The following PTPRM variants were observed in gnomAD, a reference collection of about 807,000 sequenced individuals.
PTPRM encodes the protein protein tyrosine phosphatase receptor type M, also known as receptor-type tyrosine-protein phosphatase mu.
A neutral mutation model predicts 186.7 loss-of-function variants in PTPRM; 47 were observed. The observed-to-expected ratio is 0.25, with a 90% CI of 0.20 to 0.32. The LOEUF (loss-of-function observed/expected upper bound fraction) is 0.32, where lower values mean the gene tolerates loss of function less well. Ranked by LOEUF, PTPRM falls within the 10% of genes least tolerant of loss-of-function variation. The pLI, the probability that PTPRM is intolerant of heterozygous loss-of-function variation, is 1.00. For missense variants in PTPRM, 1,494 were observed against 1,865.0 expected (o/e 0.80, Z 3.66); for synonymous variants, 668 against 674.9 (o/e 0.99, Z 0.16).
At chr18:7,905,926 G>A (rs186253475) in intron 3 of PTPRM, among the ~76,000 whole-genome samples, 2 of 152,116 alleles carry the variant, frequency 1.3e-5, no homozygotes, top group African/African-American at 4.8e-5. Flanking sequence ...GAATCTTAAC[G>A]TTGTCTCTTG....
At chr18:8,319,802 C>T (rs1361225315) in intron 22 of PTPRM, among the ~76,000 whole-genome samples, 1 of 152,124 alleles carries the variant, frequency 6.6e-6, no homozygotes, top group Non-Finnish European at 1.5e-5. Flanking sequence ...AATGGAGAAA[C>T]ATCATGAGCA....
intron 2 of PTPRM, among the ~76,000 whole-genome samples, chr18:7,858,665 A>G (rs1429259062): frequency 2.6e-5 from 4 of 152,250 alleles, no homozygotes; most frequent in Non-Finnish European, 5.9e-5. Context: ...TAATATATGT[A>G]GAATACTTAA....
chr18:8,148,915 A>T (rs1169104495), intron 14 of PTPRM, among the ~76,000 whole-genome samples: 1 of 152,132 alleles, frequency 6.6e-6, no homozygotes. Context: ...TTTACCCAGT[A>T]GTCATTCAGG....
chr18:7,838,192 T>A (rs1205237446), intron 2 of PTPRM, among the ~76,000 whole-genome samples: 1 of 152,134 alleles, frequency 6.6e-6, no homozygotes, highest in East Asian at 1.9e-4. Context: ...AAACACATCC[T>A]TCTTCACATG....
intron 1 of PTPRM, among the ~76,000 whole-genome samples, chr18:7,612,104 TG>T (rs1737557783): frequency 6.6e-6 from 1 of 152,190 alleles, no homozygotes; most frequent in South Asian, 2.1e-4. Flanking sequence ...TGGAATAACA[TG>T]TTTTTTTGCT....
intron 7 of PTPRM, among the ~76,000 whole-genome samples, chr18:7,959,135 AT>A: frequency 6.6e-6 from 1 of 152,334 alleles, no homozygotes; most frequent in East Asian, 1.9e-4. Context: ...GAGCTACTGA[AT>A]ATCAGTTGCC....
rs542174734 is a variant in PTPRM, at chr18:7,720,872, A to G, written c.74-53277A>G. ...TGTACCACATTTTGTCTGTCCATTT[A>G]TTTATCAGTAGACTCTTGGGTTGCT... On this transcript the variant is annotated intron_variant, in intron 1 of 32. Coordinates refer to ENST00000580170, the MANE Select transcript of PTPRM (RefSeq NM_001105244.2). Among the ~76,000 whole-genome samples, 14 of 152,140 alleles carry G rather than the reference A, an allele frequency of 9.2e-5. No homozygotes were observed. The South Asian group carries it at 2.9e-3, about 32-fold the overall frequency.
chr18:8,050,640 AC>A (rs774871673), intron 7 of PTPRM, among the ~76,000 whole-genome samples: 1 of 152,220 alleles, frequency 6.6e-6, no homozygotes, highest in Non-Finnish European at 1.5e-5. Context: ...CACAGCATAT[AC>A]GTATATCAAG....
intron 2 of PTPRM, among the ~76,000 whole-genome samples, chr18:7,824,304 G>A (rs564139824): frequency 2.0e-5 from 3 of 152,242 alleles, no homozygotes; most frequent in East Asian, 1.9e-4. Context: ...ACTGTTCTGC[G>A]GGTGACATCA....
intron 19 of PTPRM, among the ~76,000 whole-genome samples, chr18:8,275,651 T>G (rs1568647470): frequency 6.6e-6 from 1 of 152,210 alleles, no homozygotes; most frequent in Non-Finnish European, 1.5e-5. Context: ...TCCCTTCTGC[T>G]GAACCTCTCA....
intron 2 of PTPRM, among the ~76,000 whole-genome samples, chr18:7,838,896 C>T (rs1232241307): frequency 2.6e-5 from 4 of 152,204 alleles, no homozygotes; most frequent in African/African-American, 9.6e-5. Flanking sequence ...TGGTCATTCC[C>T]ACTCTTCCCT....
chr18:7,663,867 G>A (rs1352186698), intron 1 of PTPRM, among the ~76,000 whole-genome samples: 2 of 152,122 alleles, frequency 1.3e-5, no homozygotes, highest in African/African-American at 4.8e-5. Flanking sequence ...GTGCCCCCAT[G>A]GGACTAGCTG....
chr18:8,239,692 C>G (rs2094394224), intron 14 of PTPRM, among the ~76,000 whole-genome samples: 1 of 152,152 alleles, frequency 6.6e-6, no homozygotes. Flanking sequence ...GTGGTTTGCC[C>G]TGTAGCCTCA....
At chr18:7,866,623 A>G (rs1342524252) in intron 2 of PTPRM, among the ~76,000 whole-genome samples, 2 of 152,122 alleles carry the variant, frequency 1.3e-5, no homozygotes, top group Non-Finnish European at 2.9e-5. Flanking sequence ...GGTCAATTTT[A>G]GAATAAGTGT....
chr18:7,654,180 T>G (rs956249354), intron 1 of PTPRM, among the ~76,000 whole-genome samples: 1 of 152,206 alleles, frequency 6.6e-6, no homozygotes, highest in Non-Finnish European at 1.5e-5. Context: ...CATTTTTTTC[T>G]TGTAAATTTA....
At chr18:7,977,082 A>G (rs2055002124) in intron 7 of PTPRM, among the ~76,000 whole-genome samples, 1 of 151,840 alleles carries the variant, frequency 6.6e-6, no homozygotes, top group African/African-American at 2.4e-5. Context: ...ATAATACCTG[A>G]ATTGTTTTTG....
chr18:8,257,763 C>A (rs1777525662), intron 19 of PTPRM, among the ~76,000 whole-genome samples: 1 of 152,204 alleles, frequency 6.6e-6, no homozygotes, highest in South Asian at 2.1e-4. Flanking sequence ...TCAGGAAAAG[C>A]CAGTCATTTA....
intron 31 of PTPRM, among the ~76,000 whole-genome samples, chr18:8,390,150 C>T (rs968723361): frequency 2.0e-5 from 3 of 152,150 alleles, no homozygotes; most frequent in African/African-American, 7.2e-5. Context: ...AAGAGACAGT[C>T]CAGGGACAGA....
intron 13 of PTPRM, among the ~76,000 whole-genome samples, chr18:8,141,350 C>T (rs2092762688): frequency 6.6e-6 from 1 of 152,198 alleles, no homozygotes; most frequent in African/African-American, 2.4e-5. Flanking sequence ...CATCACGTTG[C>T]AACTGTGTCA....
Sources: allele counts gnomAD v4.1 joint callset (sites outside exome capture counted in the v4.1 genomes callset), GRCh38; gene constraint gnomAD v4.1.1; transcripts MANE v1.5; gene names NCBI Gene and HGNC (gene_info 2026-07-23, HGNC 2026-07-21).